Variants in USH2A observed in about 807,000 individuals in gnomAD.
USH2A encodes the protein Usher syndrome 2A (autosomal recessive, mild).
USH2A carries 443 observed loss-of-function variants against 538.9 expected under a neutral mutation model. The observed-to-expected ratio is 0.82, with a 90% CI of 0.76 to 0.89. The LOEUF is 0.89. USH2A is among the 40% of genes least tolerant of loss of function. USH2A has a pLI of 0.00. For missense variants in USH2A, 6,633 were observed against 6,324.8 expected (o/e 1.05, Z -1.65); for synonymous variants, 2,413 against 2,273.5 (o/e 1.06, Z -1.75).
chr1:215,972,080 G>T (rs6701473), intron 35 of USH2A, among the ~76,000 whole-genome samples: 1 of 152,160 alleles, frequency 6.6e-6, no homozygotes, highest in Non-Finnish European at 1.5e-5. Context: ...ACACATCCAC[G>T]CTTCTATAGC....
At chr1:215,860,592 T>C (rs1664289389) in intron 44 of USH2A, among the ~76,000 whole-genome samples, 1 of 152,168 alleles carries the variant, frequency 6.6e-6, no homozygotes, top group Non-Finnish European at 1.5e-5. Flanking sequence ...AACATGGCCA[T>C]GCTTATTTAA....
intron 44 of USH2A, among the ~76,000 whole-genome samples, chr1:215,855,725 CA>C (rs1410670550): frequency 6.6e-6 from 1 of 151,932 alleles, no homozygotes; most frequent in Non-Finnish European, 1.5e-5. Context: ...CTCACATAGC[CA>C]AAGCAAGACT....
At chr1:216,405,401 G>A (rs2039378676) in intron 3 of USH2A, among the ~76,000 whole-genome samples, 1 of 152,004 alleles carries the variant, frequency 6.6e-6, no homozygotes, top group African/African-American at 2.4e-5. Flanking sequence ...TCACCGAATT[G>A]GACATATGAA....
intron 49 of USH2A, among the ~76,000 whole-genome samples, chr1:215,811,981 G>GT (rs753767378): frequency 0.35 from 27,221 of 78,624 alleles, 6,935 homozygotes; most frequent in Admixed American, 0.42. Context: ...AACCCCTAGG[G>GT]TTTTTTTTTT....
intron 61 of USH2A, among the ~76,000 whole-genome samples, chr1:215,687,636 G>T (rs953057395): frequency 1.3e-4 from 19 of 151,988 alleles, no homozygotes; most frequent in African/African-American, 4.1e-4. Context: ...ATTTTAAAGT[G>T]GCAAATCAGT....
At chr1:215,754,788 G>GAAT (rs1316851312) in intron 58 of USH2A, among the ~76,000 whole-genome samples, 31 of 152,306 alleles carry the variant, frequency 2.0e-4, no homozygotes, top group African/African-American at 6.0e-4. Flanking sequence ...AAGAGAAACT[G>GAAT]GCGGACTCAT....
intron 61 of USH2A, among the ~76,000 whole-genome samples, chr1:215,689,656 G>A (rs114941252): frequency 0.015 from 2,252 of 152,300 alleles, 59 homozygotes; most frequent in African/African-American, 0.051. Context: ...GCTATGAGAG[G>A]GCCTGTGAAG....
Position 216,292,344 on chromosome 1 carries a change from A to C in USH2A, c.1671T>G (p.Asn557Lys). 1 of 1,614,026 alleles carries C rather than the reference A, an allele frequency of 6.2e-7. No homozygotes were observed. The highest frequency in any genetic ancestry group is 8.5e-7 in the Non-Finnish European group (1 of 1,179,934). The change falls in exon 10 of 72, where the codon AAT becomes AAG. Residue 557 changes from asparagine (N) to lysine (K), a missense_variant. Asn to Lys is a moderately conservative substitution (Grantham distance 94, BLOSUM62 0). Coordinates refer to ENST00000307340, the MANE Select transcript of USH2A (RefSeq NM_206933.4). ...GATCACCTTGGCGGAAAGGCTTGTC[A>C]TTATAAAGAGGCAAGCAGCGATCAC... ...LHCDRCLPLY[N>K]DKPFRQGDQV...
intron 4 of USH2A, among the ~76,000 whole-genome samples, chr1:216,361,768 G>A (rs1199525195): frequency 6.6e-6 from 1 of 152,146 alleles, no homozygotes; most frequent in East Asian, 1.9e-4. Context: ...TGCTTGTTGG[G>A]ACACCCACTT....
chr1:215,837,969 T>G, intron 47 of USH2A, 22 bp downstream of exon 47: 1 of 1,578,300 alleles, frequency 6.3e-7, no homozygotes, highest in Non-Finnish European at 8.7e-7. Context: ...TCCTTAGATT[T>G]AACTGACACA....
At chr1:215,666,225 C>T (rs1657597342) in intron 64 of USH2A, among the ~76,000 whole-genome samples, 1 of 152,016 alleles carries the variant, frequency 6.6e-6, no homozygotes, top group Non-Finnish European at 1.5e-5. Context: ...AAGACCGGAC[C>T]TCCCAAGTAA....
intron 9 of USH2A, among the ~76,000 whole-genome samples, chr1:216,298,842 AC>A (rs905764500): frequency 9.6e-5 from 4 of 41,726 alleles, no homozygotes; most frequent in Non-Finnish European, 1.8e-4. Context: ...TTAGGAGAAT[AC>A]TTTTTTTTTT....
chr1:216,026,780 C>T (rs904870871), intron 32 of USH2A, among the ~76,000 whole-genome samples: 3 of 152,220 alleles, frequency 2.0e-5, no homozygotes, highest in East Asian at 1.9e-4. Flanking sequence ...GAGTATGCTA[C>T]ATGTTATGAG....
intron 21 of USH2A, among the ~76,000 whole-genome samples, chr1:216,134,932 T>G (rs1466052724): frequency 6.6e-6 from 1 of 152,024 alleles, no homozygotes; most frequent in Non-Finnish European, 1.5e-5. Flanking sequence ...TGACTCTAAA[T>G]GATTTATTTT....
chr1:216,233,561 C>A (rs1351904551), intron 13 of USH2A, among the ~76,000 whole-genome samples: 2 of 152,042 alleles, frequency 1.3e-5, no homozygotes, highest in Admixed American at 1.3e-4. Flanking sequence ...ATTCCAAACA[C>A]ATTCGATGAA....
chr1:216,394,867 C>G (rs987656464), intron 3 of USH2A, among the ~76,000 whole-genome samples: 1 of 151,628 alleles, frequency 6.6e-6, no homozygotes, highest in Non-Finnish European at 1.5e-5. Context: ...TACAGGCGCC[C>G]GCCACCACGC....
At chr1:216,360,993 A>G (rs1033991269) in intron 4 of USH2A, among the ~76,000 whole-genome samples, 1 of 152,138 alleles carries the variant, frequency 6.6e-6, no homozygotes, top group Non-Finnish European at 1.5e-5. Flanking sequence ...ACTACTAGAT[A>G]TGAAGACATG....
At chr1:215,734,337 C>A (rs1475280033) in intron 60 of USH2A, among the ~76,000 whole-genome samples, 1 of 152,130 alleles carries the variant, frequency 6.6e-6, no homozygotes, top group Non-Finnish European at 1.5e-5. Context: ...TGGGCCTGGC[C>A]CTCAAAACCA....
At chr1:215,932,883 T>C (rs1666398961) in intron 38 of USH2A, among the ~76,000 whole-genome samples, 1 of 152,016 alleles carries the variant, frequency 6.6e-6, no homozygotes, top group South Asian at 2.1e-4. Flanking sequence ...TGTATAATAT[T>C]AACCCTTTTA....
Sources: allele counts gnomAD v4.1 joint callset (sites outside exome capture counted in the v4.1 genomes callset), GRCh38; gene constraint gnomAD v4.1.1; transcripts MANE v1.5; gene names NCBI Gene and HGNC (gene_info 2026-07-23, HGNC 2026-07-21).